The following KIAA0825 variants were observed in gnomAD, a reference collection of about 807,000 sequenced individuals.
The protein encoded by KIAA0825 is uncharacterized protein KIAA0825.
In KIAA0825, 119 loss-of-function variants were observed where a neutral mutation model predicts 147.6. That is an observed-to-expected ratio of 0.81 (90% confidence interval 0.69 to 0.94). The LOEUF is 0.94. Among genes scored for constraint, KIAA0825 ranks in the 40% least tolerant of loss-of-function variants. The pLI is 0.00. For missense variants in KIAA0825, 1,381 were observed against 1,472.7 expected (o/e 0.94, Z 1.02); for synonymous variants, 470 against 518.1 (o/e 0.91, Z 1.26).
intron 20 of KIAA0825, among the ~76,000 whole-genome samples, chr5:94,266,558 A>C (rs1411928289): frequency 6.6e-6 from 1 of 152,196 alleles, no homozygotes; most frequent in Non-Finnish European, 1.5e-5. Flanking sequence ...TTTTTATCCA[A>C]TTACATTTCT....
intron 20 of KIAA0825, among the ~76,000 whole-genome samples, chr5:94,376,834 G>A (rs1455622755): frequency 2.6e-5 from 4 of 152,126 alleles, no homozygotes; most frequent in Admixed American, 1.3e-4. Context: ...ACTAAGAGGT[G>A]TGTACTCACA....
intron 20 of KIAA0825, among the ~76,000 whole-genome samples, chr5:94,233,383 C>T (rs1055675648): frequency 1.3e-5 from 2 of 152,078 alleles, no homozygotes; most frequent in Non-Finnish European, 2.9e-5. Flanking sequence ...TTAAAATGGC[C>T]TTTTCAAAGG....
At chr5:94,205,377 C>T (rs1172658901) in intron 20 of KIAA0825, among the ~76,000 whole-genome samples, 1 of 149,972 alleles carries the variant, frequency 6.7e-6, no homozygotes, top group Non-Finnish European at 1.5e-5. Context: ...TCTCGGCTCA[C>T]TGCAACCTCC....
chr5:94,364,964 G>A (rs1241243520), intron 20 of KIAA0825, among the ~76,000 whole-genome samples: 2 of 152,086 alleles, frequency 1.3e-5, no homozygotes, highest in East Asian at 3.9e-4. Context: ...CAAAATGGCT[G>A]CTCCATCTTC....
intron 7 of KIAA0825, among the ~76,000 whole-genome samples, chr5:94,475,163 A>G (rs993169539): frequency 6.6e-6 from 1 of 152,208 alleles, no homozygotes; most frequent in Admixed American, 6.5e-5. Flanking sequence ...GAGAACTTGG[A>G]AGTGGCATAG....
At chr5:94,530,214 T>C (rs1770495408) in intron 3 of KIAA0825, among the ~76,000 whole-genome samples, 1 of 129,354 alleles carries the variant, frequency 7.7e-6, no homozygotes, top group Non-Finnish European at 1.5e-5. Flanking sequence ...GAGGTTGCAG[T>C]GAGCTGAGAT....
chr5:94,471,386 C>G, intron 9 of KIAA0825, 80 bp downstream of exon 9: 1 of 1,391,962 alleles, frequency 7.2e-7, no homozygotes, highest in Admixed American at 2.6e-5. Context: ...AATCTTATTA[C>G]CAAAATTTCA....
At chr5:94,604,869 T>C (rs1787192134) in intron 1 of KIAA0825, among the ~76,000 whole-genome samples, 1 of 151,704 alleles carries the variant, frequency 6.6e-6, no homozygotes, top group African/African-American at 2.4e-5. Flanking sequence ...ATCCCAAAGC[T>C]AGCAGAAGAC....
chr5:94,480,994 G>A (rs1178800778), intron 6 of KIAA0825, among the ~76,000 whole-genome samples: 1 of 152,082 alleles, frequency 6.6e-6, no homozygotes, highest in Non-Finnish European at 1.5e-5. Context: ...AATGGTCAAT[G>A]TTGAAATTTG....
chr5:94,159,333 A>G (rs1006924696), intron 20 of KIAA0825, among the ~76,000 whole-genome samples: 2 of 152,252 alleles, frequency 1.3e-5, no homozygotes, highest in South Asian at 4.1e-4. Flanking sequence ...CAGTTCTCTT[A>G]TATGCAACAT....
intron 20 of KIAA0825, among the ~76,000 whole-genome samples, chr5:94,365,311 C>T (rs183637974): frequency 3.4e-4 from 52 of 152,294 alleles, no homozygotes; most frequent in Middle Eastern, 6.8e-3. Flanking sequence ...TGGCGTGAGA[C>T]GGCAAACCCC....
chr5:94,552,854 T>C (rs1561304348), intron 2 of KIAA0825, among the ~76,000 whole-genome samples: 1 of 152,108 alleles, frequency 6.6e-6, no homozygotes, highest in Non-Finnish European at 1.5e-5. Flanking sequence ...CAGAGGTTAG[T>C]AGAAGCTGAG....
chr5:94,233,728 C>T (rs1774868663), intron 20 of KIAA0825, among the ~76,000 whole-genome samples: 2 of 152,012 alleles, frequency 1.3e-5, no homozygotes, highest in African/African-American at 4.8e-5. Context: ...TTGTCTCAGC[C>T]CTCCAGAAAC....
intron 20 of KIAA0825, among the ~76,000 whole-genome samples, chr5:94,305,287 A>G (rs2150185373): frequency 6.6e-6 from 1 of 152,096 alleles, no homozygotes; most frequent in South Asian, 2.1e-4. Flanking sequence ...TTACTTGCAA[A>G]CAGAAATCTC....
intron 20 of KIAA0825, among the ~76,000 whole-genome samples, chr5:94,354,329 G>A (rs757504180): frequency 6.6e-6 from 1 of 152,126 alleles, no homozygotes; most frequent in Admixed American, 6.5e-5. Flanking sequence ...TTTCCTTAAA[G>A]TAGTGTTTCA....
chr5:94,282,824 G>A (rs183286006), intron 20 of KIAA0825, among the ~76,000 whole-genome samples: 49 of 151,806 alleles, frequency 3.2e-4, no homozygotes, highest in Non-Finnish European at 6.2e-4. Flanking sequence ...CAATTTCAGG[G>A]TATACAATAG....
chr5:94,302,056 T>G (rs1273604445), intron 20 of KIAA0825, among the ~76,000 whole-genome samples: 1 of 152,152 alleles, frequency 6.6e-6, no homozygotes, highest in Non-Finnish European at 1.5e-5. Flanking sequence ...ATTAGAAGCT[T>G]CCCTGGCCTC....
intron 5 of KIAA0825, chr5:94,519,933 TTA>T (rs1349568765): frequency 2.5e-6 from 2 of 790,290 alleles, no homozygotes; most frequent in South Asian, 5.1e-5. Flanking sequence ...ATATACTCAT[TTA>T]TATATATGTG....
chr5:94,303,888 G>A (rs1330422609), intron 20 of KIAA0825, among the ~76,000 whole-genome samples: 2 of 151,956 alleles, frequency 1.3e-5, no homozygotes, highest in South Asian at 4.1e-4. Flanking sequence ...TGGCCACAGA[G>A]AGATTCATTA....
Sources: gnomAD v4.1 joint callset for allele counts (sites outside exome capture counted in the v4.1 genomes callset) on GRCh38, gnomAD v4.1.1 for gene constraint, MANE v1.5 for transcripts, NCBI Gene and HGNC (gene_info 2026-07-23, HGNC 2026-07-21) for gene names.